Variants in SH3BGRL observed in about 807,000 individuals in gnomAD.
The protein encoded by SH3BGRL is adapter SH3BGRL.
A neutral mutation model predicts 9.8 loss-of-function variants in SH3BGRL; 7 were observed. The ratio of observed to expected loss-of-function variants is 0.72; its 90% CI spans 0.41 to 1.35. SH3BGRL has a LOEUF of 1.35. SH3BGRL is among the 40% of genes most tolerant of loss of function. The probability of loss-of-function intolerance (pLI) is 0.01; values close to 1 mark genes in which losing one functional copy is unlikely to be tolerated. For missense variants in SH3BGRL, 73 were observed against 84.4 expected (o/e 0.86, Z 0.53); for synonymous variants, 36 against 29.1 (o/e 1.24, Z -0.76).
intron 1 of SH3BGRL, among the ~76,000 whole-genome samples, 158 bp from the exon 2 acceptor site, chrX:81,276,826 T>G (rs1343263328): frequency 8.9e-6 from 1 of 111,881 alleles, no homozygotes; most frequent in Non-Finnish European, 1.9e-5. Context: ...TTCAATATAC[T>G]TGTGAGGCAT....
At chrX:81,264,647 G>T in intron 1 of SH3BGRL, among the ~76,000 whole-genome samples, 1 of 110,463 alleles carries the variant, frequency 9.1e-6, no homozygotes, top group South Asian at 4.1e-4. Context: ...CTGAGACAAA[G>T]AAACTTCACT....
At chrX:81,227,023 A>T (rs930341253) in intron 1 of SH3BGRL, among the ~76,000 whole-genome samples, 3 of 112,382 alleles carry the variant, frequency 2.7e-5, no homozygotes, top group African/African-American at 9.7e-5. Flanking sequence ...TGTGCAGTTC[A>T]CTTAACTCTG....
chrX:81,257,949 G>A (rs1263182140), intron 1 of SH3BGRL, among the ~76,000 whole-genome samples: 1 of 110,890 alleles, frequency 9.0e-6, no homozygotes, highest in African/African-American at 3.3e-5. Flanking sequence ...AAGTTTAGGG[G>A]TAAAATCCCC....
At chrX:81,204,974 A>G (rs1231176644) in intron 1 of SH3BGRL, among the ~76,000 whole-genome samples, 2 of 111,839 alleles carry the variant, frequency 1.8e-5, no homozygotes, top group African/African-American at 3.3e-5. Context: ...TTTATGGGGG[A>G]CATATGATCT....
At chrX:81,278,964 A>G (rs1378846041) in intron 3 of SH3BGRL, among the ~76,000 whole-genome samples, 2 of 112,492 alleles carry the variant, frequency 1.8e-5, no homozygotes, top group Non-Finnish European at 3.8e-5. Flanking sequence ...GCAACAATAA[A>G]GTTGCCTGTC....
At chrX:81,266,813 C>T (rs1031109462) in intron 1 of SH3BGRL, among the ~76,000 whole-genome samples, 5 of 112,079 alleles carry the variant, frequency 4.5e-5, no homozygotes, top group African/African-American at 6.5e-5. Context: ...GCCATTTTAA[C>T]GATATTGATT....
intron 1 of SH3BGRL, among the ~76,000 whole-genome samples, chrX:81,273,348 T>C (rs1364148938): frequency 8.9e-6 from 1 of 112,606 alleles, no homozygotes; most frequent in East Asian, 2.8e-4. Context: ...TAGCTTCTTA[T>C]TTAAATACGC....
At chrX:81,293,568 A>G (rs1385208117) in intron 3 of SH3BGRL, among the ~76,000 whole-genome samples, 1 of 112,072 alleles carries the variant, frequency 8.9e-6, no homozygotes, top group African/African-American at 3.2e-5. Context: ...CTGTAGTCCC[A>G]GCTACTTGGG....
At chrX:81,293,782 A>G (rs2075865688) in intron 3 of SH3BGRL, among the ~76,000 whole-genome samples, 1 of 112,188 alleles carries the variant, frequency 8.9e-6, no homozygotes, top group Non-Finnish European at 1.9e-5. Flanking sequence ...AAAGTTTGGA[A>G]CTTCCTAGAG....
chrX:81,229,662 T>G (rs1280728047), intron 1 of SH3BGRL, among the ~76,000 whole-genome samples: 1 of 111,490 alleles, frequency 9.0e-6, no homozygotes, highest in Non-Finnish European at 1.9e-5. Context: ...TGCCAGTGAC[T>G]GTTGGTGTGC....
intron 1 of SH3BGRL, among the ~76,000 whole-genome samples, chrX:81,231,979 C>A (rs1047328009): frequency 9.0e-6 from 1 of 111,087 alleles, no homozygotes; most frequent in African/African-American, 3.3e-5. Context: ...TACACACACA[C>A]GTATATGTAT....
At chrX:81,238,403 T>C (rs961871695) in intron 1 of SH3BGRL, among the ~76,000 whole-genome samples, 1 of 112,543 alleles carries the variant, frequency 8.9e-6, no homozygotes, top group Non-Finnish European at 1.9e-5. Flanking sequence ...GTGAGGCACC[T>C]CTGCCTTTGG....
chrX:81,290,169 G>A (rs2075852533), intron 3 of SH3BGRL, among the ~76,000 whole-genome samples: 1 of 111,723 alleles, frequency 9.0e-6, no homozygotes, highest in Non-Finnish European at 1.9e-5. Context: ...ACAGTTTGGA[G>A]GTTCCTCAAA....
intron 1 of SH3BGRL, among the ~76,000 whole-genome samples, chrX:81,235,351 T>A (rs898627201): frequency 9.0e-6 from 1 of 110,517 alleles, no homozygotes; most frequent in Non-Finnish European, 1.9e-5. Context: ...ACCCAGAGTT[T>A]GGAAGGGCTG....
chrX:81,252,966 C>T (rs1188274000), intron 1 of SH3BGRL, among the ~76,000 whole-genome samples: 1 of 112,282 alleles, frequency 8.9e-6, no homozygotes, highest in Non-Finnish European at 1.9e-5. Flanking sequence ...CATTAGAGTT[C>T]TTTTTTCATA....
intron 1 of SH3BGRL, among the ~76,000 whole-genome samples, chrX:81,276,627 A>G (rs1345501536): frequency 9.0e-6 from 1 of 111,352 alleles, no homozygotes; most frequent in East Asian, 2.8e-4. Flanking sequence ...GAAAGGCTGA[A>G]ACTAAGAGAG....
chrX:81,203,110 T>A (rs1162862626), intron 1 of SH3BGRL, among the ~76,000 whole-genome samples: 1 of 111,488 alleles, frequency 9.0e-6, no homozygotes, highest in African/African-American at 3.3e-5. Context: ...GAGAATATGA[T>A]AAACTGGGGT....
In SH3BGRL at chrX:81,210,786, A is replaced by C. The variant is rs932086019; in HGVS notation, c.45+8541A>C. On this transcript the variant is annotated intron_variant, in intron 1 of 3. Transcript: ENST00000373212. ...ATACTTCTTTTCTGATGAACTTGAA[A>C]AACCATGAAAAATACTTCTTAATTA... Among the ~76,000 whole-genome samples the C allele has an allele frequency of 7.1e-5, 8 of 111,999 alleles. No homozygotes were observed. In the East Asian group the frequency reaches 1.7e-3, roughly 24 times the overall value.
intron 1 of SH3BGRL, among the ~76,000 whole-genome samples, chrX:81,276,503 G>T (rs1218444905): frequency 9.0e-6 from 1 of 110,908 alleles, no homozygotes; most frequent in African/African-American, 3.3e-5. Context: ...TGAAAATTGA[G>T]ACTTGAATGA....
Sources: gnomAD v4.1 joint callset for allele counts (sites outside exome capture counted in the v4.1 genomes callset) on GRCh38, gnomAD v4.1.1 for gene constraint, MANE v1.5 for transcripts, NCBI Gene and HGNC (gene_info 2026-07-23, HGNC 2026-07-21) for gene names.